GMPPA: variants seen among roughly 807,000 people sequenced by gnomAD.
GMPPA encodes mannose-1-phosphate guanylyltransferase regulatory subunit alpha.
Under a neutral mutation model 58.6 loss-of-function variants are expected in GMPPA, and 46 were observed. The observed-to-expected ratio is 0.78, with a 90% CI of 0.62 to 1.00. The LOEUF is 1.00. Ranked by LOEUF, GMPPA falls within the 50% of genes least tolerant of loss-of-function variation. GMPPA has a pLI of 0.00. For missense variants in GMPPA, 468 were observed against 556.4 expected (o/e 0.84, Z 1.60); for synonymous variants, 211 against 214.9 (o/e 0.98, Z 0.16).
chr2:219,504,838 T>C, intron 7 of GMPPA: 1 of 1,074,726 alleles, frequency 9.3e-7, no homozygotes, highest in East Asian at 7.1e-5. Context: ...TCTGTGACTG[T>C]CTCTGCCCTC....
chr2:219,502,449 C>T lies in GMPPA; in HGVS notation c.489+8C>T. 6.2e-7 allele frequency: 1 copy of T among 1,611,490 alleles called. No homozygotes were observed. On this transcript the variant is annotated splice_region_variant and intron_variant, in intron 6 of 12. Coordinates refer to ENST00000313597, the MANE Select transcript of GMPPA (RefSeq NM_013335.4). This position sits in a 1 kb window ranked among gnomAD's most constrained non-coding sequence, Gnocchi z 4.0. ...AATCCACAGACACACGAGGTGAGAG[C>T]AGAGTGGGGGCTGGGTGGGTGCCTA...
chr2:219,500,290 A>G (rs1694345628), intron 3 of GMPPA, 72 bp downstream of exon 3: 4 of 847,948 alleles, frequency 4.7e-6, no homozygotes, highest in Admixed American at 4.0e-5. Flanking sequence ...TTTCCCAACC[A>G]TGAACTCTTC....
At chr2:219,504,963 G>T in intron 7 of GMPPA, 4 of 952,152 alleles carry the variant, frequency 4.2e-6, no homozygotes, top group Non-Finnish European at 5.7e-6. Context: ...AAAATGGGGG[G>T]AACTCCTTAT....
chr2:219,505,476 C>T lies in GMPPA; in HGVS notation c.774C>T (p.Ser258=). 1 of 1,578,718 alleles carries T rather than the reference C, an allele frequency of 6.3e-7. No individual in the cohort carries two copies. The highest frequency in any genetic ancestry group is 8.6e-7 in the Non-Finnish European group (1 of 1,162,030). ...TCCCCAGTTCAGCCCTCTACGCCTC[C>T]CGCCTCTACCTGAGCCGATACCAGG... ...IKSAGSALYA[S]RLYLSRYQDT... is the part of the protein sequence containing the mutation. Residue 258 remains serine (S), a synonymous_variant, in exon 9 of 13, where the codon TCC becomes TCT. Transcript: ENST00000313597.
chr2:219,505,008 C>A, intron 7 of GMPPA: 1 of 860,910 alleles, frequency 1.2e-6, no homozygotes, highest in Non-Finnish European at 1.7e-6. Flanking sequence ...AGGCCTCTGC[C>A]TGGGGCTCCC....
At chr2:219,505,179 G>T (rs1383702735) in intron 7 of GMPPA, 49 bp from the exon 8 acceptor site, 1 of 1,596,086 alleles carries the variant, frequency 6.3e-7, no homozygotes, top group Non-Finnish European at 8.6e-7. Flanking sequence ...TAGCCCCACA[G>T]TCGGGGCTCA....
In GMPPA at chr2:219,502,556, G is replaced by T. The variant is rs1484150080; in HGVS notation, c.489+115G>T. ...GGTGGGCTCTAGTCTTGTCAGACAG[G>T]TGAGACACTCCCGATTAATCATCTT... On this transcript the variant is annotated intron_variant, in intron 6 of 12. Coordinates refer to ENST00000313597, the MANE Select transcript of GMPPA (RefSeq NM_013335.4). This position sits in a 1 kb window ranked among gnomAD's most constrained non-coding sequence, Gnocchi z 4.0. 6.6e-6 allele frequency: 5 copies of T among 757,812 alleles called. No homozygotes were observed. The highest frequency in any genetic ancestry group is 1.2e-5 in the Non-Finnish European group (5 of 430,852). 46.9% of individuals were successfully genotyped at this position (757,812 alleles called of 1,614,324 possible).
chr2:219,501,363 G>A, intron 3 of GMPPA, 113 bp from the exon 4 acceptor site: 1 of 718,414 alleles, frequency 1.4e-6, no homozygotes, highest in Non-Finnish European at 2.5e-6. Context: ...GTGCCCTGGG[G>A]CCCCACAGCT....
In GMPPA at chr2:219,502,058, G is replaced by A. The variant is rs1694414991; in HGVS notation, c.429+21G>A. 6.2e-7 allele frequency: 1 copy of A among 1,612,566 alleles called. No homozygotes were observed. The highest frequency in any genetic ancestry group is 1.1e-5 in the South Asian group (1 of 91,042). ...CTACGGTGAGGGGGTCAGGAGGGCT[G>A]GAGGGTGTAGAGGAGGTGATCCCAA... On this transcript the variant is annotated intron_variant, in intron 5 of 12. Coordinates refer to ENST00000313597, the MANE Select transcript of GMPPA (RefSeq NM_013335.4). This position sits in a 1 kb window ranked among gnomAD's most constrained non-coding sequence, Gnocchi z 4.0.
chr2:219,501,942 G>C lies in GMPPA; in HGVS notation c.334G>C (p.Val112Leu). 1 of 1,614,168 alleles carries C rather than the reference G, an allele frequency of 6.2e-7. No individual in the cohort carries two copies. Among genetic ancestry groups the C allele is most frequent in the Non-Finnish European group, 8.5e-7 (1 of 1,180,014 alleles). ...ILAGSPEAFF[V>L]LNADVCSDFP... is the part of the protein sequence containing the mutation. ...GGCTGGGAGCCCCGAGGCATTCTTC[G>C]TGCTCAATGCTGATGTCTGCTCCGA... The change falls in exon 5 of 13, where the codon GTG becomes CTG. Residue 112 changes from valine (V) to leucine (L), a missense_variant. Coordinates refer to ENST00000313597, the MANE Select transcript of GMPPA (RefSeq NM_013335.4).
chr2:219,504,522 A>C, intron 7 of GMPPA: 42 of 424,316 alleles, frequency 9.9e-5, no homozygotes, highest in East Asian at 2.3e-4. Flanking sequence ...GGGCGCACAC[A>C]TGCTCGGGTG....
intron 3 of GMPPA, chr2:219,500,692 A>G (rs528453984): frequency 2.4e-4 from 45 of 190,784 alleles, no homozygotes; most frequent in Non-Finnish European, 2.1e-4. Flanking sequence ...AATGGGGGTG[A>G]TTAGACCTAC....
At chr2:219,503,653 G>A (rs1215824019) in intron 6 of GMPPA, among the ~76,000 whole-genome samples, 1 of 152,166 alleles carries the variant, frequency 6.6e-6, no homozygotes, top group Non-Finnish European at 1.5e-5. Flanking sequence ...AATGCCATGG[G>A]TGAGGCGTGG....
intron 6 of GMPPA, 43 bp from the exon 7 acceptor site, chr2:219,504,040 G>A (rs780308661): frequency 4.2e-5 from 67 of 1,607,230 alleles, no homozygotes; most frequent in Non-Finnish European, 5.5e-5. Flanking sequence ...GGACTGTGGC[G>A]GTAGTCCCTT....
Position 219,505,380 on chromosome 2 carries a change from C to T in GMPPA, c.755+18C>T. The T allele has an allele frequency of 6.2e-7, 1 of 1,612,660 alleles. No individual in the cohort carries two copies. Among genetic ancestry groups the T allele is most frequent in the Non-Finnish European group, 8.5e-7 (1 of 1,179,328 alleles). ...TCCGCAGGGTATGGAAGGCTGGGTC[C>T]CCTGGGGATTGAAATTTTGGGGTGG... On this transcript the variant is annotated intron_variant, in intron 8 of 12. Transcript: ENST00000313597.
intron 7 of GMPPA, 134 bp from the exon 8 acceptor site, chr2:219,505,094 G>C: frequency 9.4e-7 from 1 of 1,065,498 alleles, no homozygotes. Context: ...CCCAGAGAGG[G>C]CCGAACCAGA....
chr2:219,499,830 G>T, intron 1 of GMPPA, 126 bp from the exon 2 acceptor site: 1 of 741,126 alleles, frequency 1.3e-6, no homozygotes, highest in Non-Finnish European at 2.5e-6. Flanking sequence ...GAGGTGTTGG[G>T]TCCAGGCAGA....
Position 219,505,371 on chromosome 2 carries a change from G to A in GMPPA, c.755+9G>A. 6 of 1,613,294 alleles carry A rather than the reference G, an allele frequency of 3.7e-6. No homozygotes were observed. Among genetic ancestry groups the A allele is most frequent in the Non-Finnish European group, 5.1e-6 (6 of 1,179,682 alleles). ...CAGATCAAGTCCGCAGGGTATGGAA[G>A]GCTGGGTCCCCTGGGGATTGAAATT... On this transcript the variant is annotated intron_variant, in intron 8 of 12. Coordinates refer to ENST00000313597, the MANE Select transcript of GMPPA (RefSeq NM_013335.4).
At position 219,502,060 on chromosome 2, in the gene GMPPA, A is replaced by T. The variant is rs376536579; in HGVS notation, c.429+23A>T. 1.9e-6 allele frequency: 3 copies of T among 1,610,402 alleles called. No homozygotes were observed. The highest frequency in any genetic ancestry group is 2.7e-5 in the African/African-American group (2 of 74,842). ...ACGGTGAGGGGGTCAGGAGGGCTGG[A>T]GGGTGTAGAGGAGGTGATCCCAAGA... On this transcript the variant is annotated intron_variant, in intron 5 of 12. Transcript: ENST00000313597. This position sits in a 1 kb window ranked among gnomAD's most constrained non-coding sequence, Gnocchi z 4.0.
Sources: gnomAD v4.1 joint callset for allele counts (sites outside exome capture counted in the v4.1 genomes callset) on GRCh38, gnomAD v4.1.1 for gene constraint, Gnocchi (gnomAD v3.1) non-coding constraint, MANE v1.5 for transcripts, NCBI Gene and HGNC (gene_info 2026-07-23, HGNC 2026-07-21) for gene names.